CTNNA3: variants seen among roughly 807,000 people sequenced by gnomAD.
CTNNA3 encodes catenin alpha 3, also known as catenin alpha-3.
Under a neutral mutation model 95.7 loss-of-function variants are expected in CTNNA3, and 76 were observed. The observed-to-expected ratio is 0.79, with a 90% CI of 0.66 to 0.96. The LOEUF (loss-of-function observed/expected upper bound fraction) is 0.96, where lower values mean the gene tolerates loss of function less well. Among genes scored for constraint, CTNNA3 ranks in the 40% least tolerant of loss-of-function variants. The pLI, the probability that CTNNA3 is intolerant of heterozygous loss-of-function variation, is 0.00. For missense variants in CTNNA3, 1,191 were observed against 1,089.8 expected, an observed-to-expected ratio of 1.09 and a Z score of -1.31; for synonymous variants, 431 against 374.4, an observed-to-expected ratio of 1.15 and a Z score of -1.74.
intron 11 of CTNNA3, among the ~76,000 whole-genome samples, chr10:66,447,529 C>A (rs2093431706): frequency 6.6e-6 from 1 of 150,818 alleles, no homozygotes; most frequent in South Asian, 2.1e-4. Flanking sequence ...CACATATCTA[C>A]AACCCTCTGA....
At chr10:66,514,059 T>A (rs1840755748) in intron 11 of CTNNA3, among the ~76,000 whole-genome samples, 1 of 152,162 alleles carries the variant, frequency 6.6e-6, no homozygotes, top group Non-Finnish European at 1.5e-5. Context: ...TTTGATGGCA[T>A]TGAAAGTTAC....
intron 9 of CTNNA3, among the ~76,000 whole-genome samples, chr10:66,641,119 A>T (rs1007988169): frequency 6.6e-6 from 1 of 152,176 alleles, no homozygotes; most frequent in African/African-American, 2.4e-5. Flanking sequence ...AAACTGTCAT[A>T]TAAGTGTTAA....
At chr10:67,299,917 G>C (rs1347657308) in intron 5 of CTNNA3, among the ~76,000 whole-genome samples, 1 of 152,184 alleles carries the variant, frequency 6.6e-6, no homozygotes, top group Non-Finnish European at 1.5e-5. Context: ...ATATATGTAA[G>C]ACAGTACATT....
At chr10:66,548,605 T>A (rs949374963) in intron 10 of CTNNA3, among the ~76,000 whole-genome samples, 1 of 152,288 alleles carries the variant, frequency 6.6e-6, no homozygotes, top group East Asian at 1.9e-4. Flanking sequence ...TTCCATTGAT[T>A]CCTAATTGGC....
chr10:67,118,263 T>C (rs1384455744), intron 7 of CTNNA3, among the ~76,000 whole-genome samples: 2 of 151,972 alleles, frequency 1.3e-5, no homozygotes, highest in East Asian at 3.9e-4. Context: ...GAAAAGAGTG[T>C]GGTTTCCCAA....
chr10:66,604,414 A>C (rs930833028), intron 10 of CTNNA3, among the ~76,000 whole-genome samples: 2 of 152,100 alleles, frequency 1.3e-5, no homozygotes, highest in African/African-American at 2.4e-5. Context: ...AGGTACACTG[A>C]CACCCATTAG....
chr10:66,659,896 G>A (rs1846201587), intron 9 of CTNNA3, among the ~76,000 whole-genome samples: 1 of 152,094 alleles, frequency 6.6e-6, no homozygotes, highest in African/African-American at 2.4e-5. Flanking sequence ...AGCCCAAATA[G>A]ACTAAGACCC....
chr10:66,259,355 T>C (rs948323534), intron 13 of CTNNA3, among the ~76,000 whole-genome samples: 1 of 152,058 alleles, frequency 6.6e-6, no homozygotes, highest in African/African-American at 2.4e-5. Context: ...ACTGTGCTAT[T>C]TTCTGTTTCT....
chr10:66,835,614 A>G (rs1589311030), intron 7 of CTNNA3, among the ~76,000 whole-genome samples: 1 of 152,048 alleles, frequency 6.6e-6, no homozygotes, highest in African/African-American at 2.4e-5. Context: ...CTTTTGACAC[A>G]CCCCCACCAC....
intron 3 of CTNNA3, among the ~76,000 whole-genome samples, chr10:67,580,251 T>C (rs1057411148): frequency 3.9e-5 from 6 of 152,228 alleles, no homozygotes; most frequent in Admixed American, 2.0e-4. Flanking sequence ...AAGGAAGGGA[T>C]TCAGTTTTAA....
chr10:66,523,052 A>G (rs1202358070), intron 10 of CTNNA3, among the ~76,000 whole-genome samples: 2 of 152,126 alleles, frequency 1.3e-5, no homozygotes, highest in Admixed American at 1.3e-4. Flanking sequence ...GAACATATTA[A>G]ATTTTAAGGA....
chr10:66,515,267 A>ATCTATCTG (rs1229493802), intron 11 of CTNNA3, among the ~76,000 whole-genome samples: 5 of 120,768 alleles, frequency 4.1e-5, no homozygotes, highest in Admixed American at 3.1e-4. Flanking sequence ...TATTCCCTAT[A>ATCTATCTG]TCTATCTATC....
At chr10:67,452,426 A>G (rs1053757111) in intron 5 of CTNNA3, among the ~76,000 whole-genome samples, 1 of 152,188 alleles carries the variant, frequency 6.6e-6, no homozygotes, top group Non-Finnish European at 1.5e-5. Flanking sequence ...CTAACATCTA[A>G]TTTAAATTAA....
At chr10:66,582,449 T>C (rs1445167786) in intron 10 of CTNNA3, among the ~76,000 whole-genome samples, 1 of 151,818 alleles carries the variant, frequency 6.6e-6, no homozygotes, top group Admixed American at 6.6e-5. Flanking sequence ...TTGGTTGTTG[T>C]TGATGTATAG....
chr10:66,939,999 A>T (rs953735675), intron 7 of CTNNA3, among the ~76,000 whole-genome samples: 1 of 150,590 alleles, frequency 6.6e-6, no homozygotes, highest in African/African-American at 2.4e-5. Flanking sequence ...TGGTTACTTA[A>T]TTTTTTTTTT....
chr10:66,437,298 C>T (rs941763400), intron 11 of CTNNA3, among the ~76,000 whole-genome samples: 3 of 152,154 alleles, frequency 2.0e-5, no homozygotes, highest in Non-Finnish European at 2.9e-5. Context: ...AACTTGGTTC[C>T]AATCTCCCTG....
chr10:66,460,572 T>C (rs1366928823), intron 11 of CTNNA3, among the ~76,000 whole-genome samples: 1 of 152,022 alleles, frequency 6.6e-6, no homozygotes, highest in African/African-American at 2.4e-5. Flanking sequence ...AGCATGCACA[T>C]CCCTGCAAGT....
intron 5 of CTNNA3, among the ~76,000 whole-genome samples, chr10:67,398,422 T>TCAACACCTGTA (rs1844796638): frequency 6.6e-6 from 1 of 152,230 alleles, no homozygotes; most frequent in Non-Finnish European, 1.5e-5. Context: ...GTGTATTTAC[T>TCAACACCTGTA]CAACACCTGT....
intron 14 of CTNNA3, among the ~76,000 whole-genome samples, chr10:66,090,228 G>A (rs990161320): frequency 3.3e-5 from 5 of 151,944 alleles, no homozygotes; most frequent in South Asian, 4.1e-4. Flanking sequence ...TTGTACATAG[G>A]AGGAAATTTA....
Sources: gnomAD v4.1 joint callset for allele counts (sites outside exome capture counted in the v4.1 genomes callset) on GRCh38, gnomAD v4.1.1 for gene constraint, MANE v1.5 for transcripts, NCBI Gene and HGNC (gene_info 2026-07-23, HGNC 2026-07-21) for gene names.